The following ZDHHC13 variants were observed in gnomAD, a reference collection of about 807,000 sequenced individuals.
ZDHHC13 encodes zDHHC palmitoyltransferase 13, also known as palmitoyltransferase ZDHHC13.
In ZDHHC13, 85 loss-of-function variants were observed where a neutral mutation model predicts 86.0. The observed-to-expected ratio is 0.99, with a 90% confidence interval of 0.83 to 1.18. The LOEUF (loss-of-function observed/expected upper bound fraction) is 1.18, where lower values mean the gene tolerates loss of function less well. Ranked by LOEUF, ZDHHC13 falls within the 50% of genes most tolerant of loss-of-function variation. The pLI is 0.00. For missense variants in ZDHHC13, 711 were observed against 730.2 expected (o/e 0.97, Z 0.30); for synonymous variants, 263 against 246.4 (o/e 1.07, Z -0.63).
At chr11:19,146,838 A>G (rs562821009) in intron 3 of ZDHHC13, among the ~76,000 whole-genome samples, 3 of 152,292 alleles carry the variant, frequency 2.0e-5, no homozygotes, top group Non-Finnish European at 4.4e-5. Context: ...GAATGTGTAT[A>G]TATTTTGTGT....
chr11:19,142,625 G>T (rs1002371307), intron 1 of ZDHHC13, among the ~76,000 whole-genome samples: 1 of 152,152 alleles, frequency 6.6e-6, no homozygotes, highest in Admixed American at 6.5e-5. Context: ...TGCCTTTTCA[G>T]ATGACCTTTG....
intron 1 of ZDHHC13, among the ~76,000 whole-genome samples, chr11:19,128,620 A>G (rs1015628418): frequency 5.9e-5 from 9 of 152,198 alleles, no homozygotes; most frequent in African/African-American, 2.2e-4. Context: ...AACTTTTTGG[A>G]ACTCTTGGAG....
chr11:19,152,238 A>G lies in ZDHHC13; in HGVS notation c.665A>G (p.His222Arg), dbSNP rs1451399328. 1 of 1,613,416 alleles carries G rather than the reference A, an allele frequency of 6.2e-7. No homozygotes were observed. The highest frequency in any genetic ancestry group is 1.1e-5 in the South Asian group (1 of 91,048). The part of the protein sequence containing the change: ...VDKIHQNTPL[H>R]WAVAAGNVNA... ...AAAATACACCAAAACACTCCACTTC[A>G]CTGGGCAGTTGCAGCAGGAAATGTT... is the stretch of plus-strand genomic sequence containing the variant. The change falls in exon 7 of 17, where the codon CAC becomes CGC. Residue 222 changes from histidine (H) to arginine (R), a missense_variant. His to Arg is a conservative substitution (Grantham distance 29). Coordinates refer to ENST00000446113, the MANE Select transcript of ZDHHC13 (RefSeq NM_019028.3).
intron 14 of ZDHHC13, chr11:19,167,390 T>A (rs968324587): frequency 3.3e-5 from 5 of 152,196 alleles, no homozygotes; most frequent in Non-Finnish European, 7.3e-5. Context: ...CTTCTGTGTC[T>A]CTCTGTCTCT....
In ZDHHC13 at chr11:19,152,326, G is replaced by A. The variant is rs1849632465; in HGVS notation, c.747+6G>A. 1 of 1,611,718 alleles carries A rather than the reference G, an allele frequency of 6.2e-7. No homozygotes were observed. Among genetic ancestry groups the A allele is most frequent in the East Asian group, 2.2e-5 (1 of 44,804 alleles). ...TGGATATCCAGAATGTTAAGGTATG[G>A]CCAGATATTTATCTCCCTTAGTTTA... On this transcript the variant is annotated splice_donor_region_variant and intron_variant, in intron 7 of 16. Coordinates refer to ENST00000446113, the MANE Select transcript of ZDHHC13 (RefSeq NM_019028.3).
intron 1 of ZDHHC13, among the ~76,000 whole-genome samples, chr11:19,119,083 A>G (rs1180442308): frequency 3.3e-5 from 5 of 152,064 alleles, no homozygotes; most frequent in African/African-American, 4.8e-5. Flanking sequence ...TGCCTATACA[A>G]TCAGGTCTGC....
In ZDHHC13 at chr11:19,129,048, G is replaced by A. The variant is rs12576469; in HGVS notation, c.27+11772G>A. ...ATATCCTCATTGTTAATGAAAGCATGGCTATATTTGATGTAACCCTCCCAC... is the reference window on the plus strand; with the variant it reads ...ATATCCTCATTGTTAATGAAAGCATAGCTATATTTGATGTAACCCTCCCAC... On this transcript the variant is annotated intron_variant, in intron 1 of 16. Transcript: ENST00000446113. 9.6e-3 allele frequency among the ~76,000 whole-genome samples: 1,468 copies of A among 152,206 alleles called. 29 individuals carry two copies. Among genetic ancestry groups the A allele is most frequent in the East Asian group, 0.044 (226 of 5,168 alleles).
chr11:19,132,971 G>A (rs561424402), intron 1 of ZDHHC13, among the ~76,000 whole-genome samples: 3 of 152,190 alleles, frequency 2.0e-5, no homozygotes, highest in East Asian at 3.9e-4. Context: ...TAGCCAACAA[G>A]GAGTAACCAG....
intron 14 of ZDHHC13, chr11:19,168,368 G>A (rs767804255): frequency 3.9e-5 from 6 of 152,178 alleles, no homozygotes; most frequent in Non-Finnish European, 8.8e-5. Context: ...TCTATGACCA[G>A]CATAAGACTG....
chr11:19,152,422 A>G (rs1306937127), intron 7 of ZDHHC13, 102 bp downstream of exon 7: 109 of 1,459,656 alleles, frequency 7.5e-5, no homozygotes, highest in Non-Finnish European at 9.6e-5. Context: ...AGTTACCCCA[A>G]GATAGATATA....
At chr11:19,124,981 G>A (rs146308667) in intron 1 of ZDHHC13, among the ~76,000 whole-genome samples, 2 of 152,226 alleles carry the variant, frequency 1.3e-5, no homozygotes, top group Non-Finnish European at 1.5e-5. Flanking sequence ...AGCTCAAGGA[G>A]CCACAAAGGG....
chr11:19,125,829 C>T (rs1848861812), intron 1 of ZDHHC13, among the ~76,000 whole-genome samples: 1 of 152,096 alleles, frequency 6.6e-6, no homozygotes, highest in Non-Finnish European at 1.5e-5. Context: ...GAGGAAGCCC[C>T]TCCTAAAAGA....
chr11:19,152,372 T>C (rs1294272832), intron 7 of ZDHHC13, 52 bp downstream of exon 7: 14 of 1,577,496 alleles, frequency 8.9e-6, no homozygotes, highest in African/African-American at 8.2e-5. Flanking sequence ...AGTTAGAAGA[T>C]TGATAAATTA....
intron 14 of ZDHHC13, chr11:19,169,149 C>T: frequency 1.0e-6 from 1 of 985,436 alleles, no homozygotes; most frequent in Non-Finnish European, 1.2e-6. Context: ...AAAGAATTCC[C>T]AGAAGGGAGC....
chr11:19,119,480 C>T (rs1029246676), intron 1 of ZDHHC13, among the ~76,000 whole-genome samples: 14 of 152,210 alleles, frequency 9.2e-5, no homozygotes, highest in African/African-American at 3.4e-4. Flanking sequence ...ATACTTACTT[C>T]TGGAATGCTC....
chr11:19,161,352 A>G (rs2133453967), intron 10 of ZDHHC13, among the ~76,000 whole-genome samples: 1 of 152,140 alleles, frequency 6.6e-6, no homozygotes, highest in East Asian at 1.9e-4. Flanking sequence ...TAACAGAAAC[A>G]AGCTCATGGT....
At chr11:19,162,167 G>A (rs2133455897) in intron 10 of ZDHHC13, among the ~76,000 whole-genome samples, 1 of 152,266 alleles carries the variant, frequency 6.6e-6, no homozygotes, top group East Asian at 1.9e-4. Flanking sequence ...CAGTAAAAAT[G>A]TATTGAACCA....
At chr11:19,132,919 G>A (rs1849034011) in intron 1 of ZDHHC13, among the ~76,000 whole-genome samples, 1 of 152,060 alleles carries the variant, frequency 6.6e-6, no homozygotes, top group South Asian at 2.1e-4. Context: ...ATCCCATCAT[G>A]CACAGAAGTA....
chr11:19,155,255 T>G (rs969277496), intron 8 of ZDHHC13, among the ~76,000 whole-genome samples: 3 of 152,200 alleles, frequency 2.0e-5, no homozygotes, highest in Non-Finnish European at 2.9e-5. Context: ...GACCACCATT[T>G]CTTGTAGAGA....
Sources: allele counts gnomAD v4.1 joint callset (sites outside exome capture counted in the v4.1 genomes callset), GRCh38; gene constraint gnomAD v4.1.1; transcripts MANE v1.5; gene names NCBI Gene and HGNC (gene_info 2026-07-23, HGNC 2026-07-21).